The following PDS5B variants were observed in gnomAD, a reference collection of about 807,000 sequenced individuals.
PDS5B encodes the protein PDS5 cohesin associated factor B.
A neutral mutation model predicts 184.1 loss-of-function variants in PDS5B; 51 were observed. The ratio of observed to expected loss-of-function variants is 0.28; its 90% CI spans 0.22 to 0.35. The LOEUF (loss-of-function observed/expected upper bound fraction) is 0.35. Among genes scored for constraint, PDS5B ranks in the 10% least tolerant of loss-of-function variants. The pLI, the probability that PDS5B is intolerant of heterozygous loss-of-function variation, is 1.00. For missense variants in PDS5B, 1,180 were observed against 1,723.3 expected (o/e 0.68, Z 5.58); for synonymous variants, 566 against 569.2 (o/e 0.99, Z 0.08).
rs781102704 is a variant in PDS5B, at chr13:32,659,136, A to T, written c.498-18A>T. 8 of 1,512,188 alleles carry T rather than the reference A, an allele frequency of 5.3e-6. No homozygotes were observed. The South Asian group carries it at 1.1e-4, about 21-fold the overall frequency. 93.7% of individuals were successfully genotyped at this position (1,512,188 alleles called of 1,614,324 possible). A position where few individuals can be genotyped will look rare whatever the true frequency, so the allele number is the denominator to read the frequency against. Reference sequence around the variant, plus strand: ...ATATCTCAGTTGTAATTGAAACAAAATCTGTTTTGAATTGCAGCAATGGCC... The same window carrying T: ...ATATCTCAGTTGTAATTGAAACAAATTCTGTTTTGAATTGCAGCAATGGCC... On this transcript the variant is annotated intron_variant, in intron 5 of 34. Coordinates refer to ENST00000315596, the MANE Select transcript of PDS5B (RefSeq NM_015032.4).
At position 32,768,947 on chromosome 13, in the gene PDS5B, CAAA is replaced by C. The variant is rs770324221; in HGVS notation, c.3625-1153_3625-1151del. Reference sequence around the variant, plus strand: ...AAACCCCGTCTCTACTAAAAAAATACAAAAAAAAAAAAAAAAAAAAAAATTAGC... The same window carrying C: ...AAACCCCGTCTCTACTAAAAAAATACAAAAAAAAAAAAAAAAAAAATTAGC... On this transcript the variant is annotated intron_variant, in intron 31 of 34. Transcript: ENST00000315596. Among the ~76,000 whole-genome samples, 192 of 84,518 alleles carry C rather than the reference CAAA, an allele frequency of 2.3e-3. 1 individual carries two copies. The highest frequency in any genetic ancestry group is 7.9e-3 in the African/African-American group (183 of 23,138). 55.4% of individuals were successfully genotyped at this position (84,518 alleles called of 152,430 possible).
At chr13:32,671,117 A>C (rs1950924341) in intron 7 of PDS5B, among the ~76,000 whole-genome samples, 1 of 152,208 alleles carries the variant, frequency 6.6e-6, no homozygotes, top group South Asian at 2.1e-4. Flanking sequence ...TATTTGTATC[A>C]TACTGTCTTT....
At chr13:32,754,934 C>G (rs555226392) in intron 25 of PDS5B, among the ~76,000 whole-genome samples, 6 of 152,148 alleles carry the variant, frequency 3.9e-5, no homozygotes, top group African/African-American at 1.4e-4. Context: ...TAATATAGGC[C>G]TGGAACATAG....
chr13:32,774,977 T>C (rs920006630), intron 34 of PDS5B, 40 bp from the exon 35 acceptor site: 2 of 1,568,916 alleles, frequency 1.3e-6, no homozygotes, highest in Non-Finnish European at 1.8e-6. Context: ...TATGCACATA[T>C]ACCCATTTTA....
intron 1 of PDS5B, among the ~76,000 whole-genome samples, chr13:32,624,227 T>A (rs888139845): frequency 1.3e-5 from 2 of 152,146 alleles, no homozygotes; most frequent in African/African-American, 4.8e-5. Context: ...GTATTTATAT[T>A]TTGCTTTCAT....
At chr13:32,742,043 A>T (rs1953578307) in intron 22 of PDS5B, among the ~76,000 whole-genome samples, 1 of 152,198 alleles carries the variant, frequency 6.6e-6, no homozygotes, top group African/African-American at 2.4e-5. Flanking sequence ...GACACTATCG[A>T]AGACCCTCTT....
chr13:32,633,660 T>G (rs1242143596), intron 1 of PDS5B, among the ~76,000 whole-genome samples: 1 of 152,158 alleles, frequency 6.6e-6, no homozygotes, highest in Non-Finnish European at 1.5e-5. Context: ...ATTGAGAAAC[T>G]TATCAAATTA....
chr13:32,716,051 C>T (rs1345404415), intron 19 of PDS5B, among the ~76,000 whole-genome samples: 2 of 16 alleles, frequency 0.12, no homozygotes, highest in East Asian at 0.5. Flanking sequence ...TCCCAAAGTG[C>T]CGAGAGTTGC....
chr13:32,773,252 G>GT lies in PDS5B; in HGVS notation c.4239dup (p.Gln1414SerfsTer3). On this transcript the variant is annotated frameshift_variant, in exon 34 of 35. Transcript: ENST00000315596. LOFTEE classifies it high-confidence loss of function. ...ATGATTCAAGTGAAGAAGTAGATGTGTTTCAGGGTAGCTCTCCTGTCGATG... is the reference window on the plus strand; with the variant it reads ...ATGATTCAAGTGAAGAAGTAGATGTGTTTTCAGGGTAGCTCTCCTGTCGATG... The GT allele has an allele frequency of 6.2e-7, 1 of 1,613,392 alleles. No individual in the cohort carries two copies. Among genetic ancestry groups the GT allele is most frequent in the Non-Finnish European group, 8.5e-7 (1 of 1,179,500 alleles).
chr13:32,718,155 A>ATT (rs373343825), intron 19 of PDS5B, among the ~76,000 whole-genome samples: 1 of 148,436 alleles, frequency 6.7e-6, no homozygotes. Flanking sequence ...GGGCTTCTGA[A>ATT]TTTTTTTTTT....
intron 1 of PDS5B, among the ~76,000 whole-genome samples, chr13:32,608,666 A>G (rs759778831): frequency 6.6e-6 from 1 of 152,106 alleles, no homozygotes; most frequent in Non-Finnish European, 1.5e-5. Context: ...TTGAACCTGC[A>G]TTGTTGTCTC....
intron 25 of PDS5B, 103 bp from the exon 26 acceptor site, chr13:32,755,737 AAG>A (rs1046355936): frequency 2.1e-5 from 12 of 564,620 alleles, no homozygotes; most frequent in African/African-American, 1.5e-4. Flanking sequence ...GTACGAAAGA[AAG>A]AGTATGTAAG....
chr13:32,746,165 C>CA, intron 24 of PDS5B, 65 bp downstream of exon 24: 1 of 1,333,526 alleles, frequency 7.5e-7, no homozygotes, highest in Non-Finnish European at 1.1e-6. Flanking sequence ...GAAAAACATC[C>CA]ACTGTGATAC....
Position 32,742,687 on chromosome 13 carries a change from T to C in PDS5B, c.2572T>C (p.Leu858=). ...TSTLRLLTTI[L]HSDGDLTEQG... Reference sequence around the variant, plus strand: ...TACCTTAAGATTGCTAACAACAATATTGCATAGTGATGGAGACTTGACAGA... The same window carrying C: ...TACCTTAAGATTGCTAACAACAATACTGCATAGTGATGGAGACTTGACAGA... The change falls in exon 23 of 35, where the codon TTG becomes CTG. Residue 858 remains leucine (L), a synonymous_variant. Transcript: ENST00000315596. 2 of 1,612,280 alleles carry C rather than the reference T, an allele frequency of 1.2e-6. No homozygotes were observed. Among genetic ancestry groups the C allele is most frequent in the Non-Finnish European group, 8.5e-7 (1 of 1,178,696 alleles).
chr13:32,738,425 C>T (rs991649234), intron 21 of PDS5B, among the ~76,000 whole-genome samples: 1 of 152,120 alleles, frequency 6.6e-6, no homozygotes, highest in Non-Finnish European at 1.5e-5. Flanking sequence ...TCCCAATGTG[C>T]ATTTCTGTGG....
rs191414696 is a variant in PDS5B at position 32,733,625 on chromosome 13, C to T, written c.2247+1401C>T. Among the ~76,000 whole-genome samples the T allele has an allele frequency of 1.2e-3, 176 of 152,188 alleles. 1 individual carries two copies. Among genetic ancestry groups the T allele is most frequent in the Middle Eastern group, 6.8e-3 (2 of 294 alleles). ...GTTTTGTATTGGCCTTTCAAGCCTA[C>T]AATTCTTGGTGTTCAGTGTGGGAGA... On this transcript the variant is annotated intron_variant, in intron 20 of 34. Coordinates refer to ENST00000315596, the MANE Select transcript of PDS5B (RefSeq NM_015032.4).
At chr13:32,710,397 G>A (rs1365379086) in intron 19 of PDS5B, among the ~76,000 whole-genome samples, 2 of 152,126 alleles carry the variant, frequency 1.3e-5, no homozygotes, top group East Asian at 3.8e-4. Context: ...AAGGTATGAT[G>A]GGAAGTTTCA....
chr13:32,740,212 G>T (rs1047434148), intron 21 of PDS5B, among the ~76,000 whole-genome samples: 7 of 152,104 alleles, frequency 4.6e-5, no homozygotes, highest in African/African-American at 1.7e-4. Flanking sequence ...ATCTGGTCTT[G>T]CAGCTGAGAA....
chr13:32,728,196 T>C (rs1251030278), intron 19 of PDS5B, among the ~76,000 whole-genome samples: 1 of 152,096 alleles, frequency 6.6e-6, no homozygotes. Context: ...TAGCACTGCA[T>C]TCCTGATTTA....
Sources: allele counts gnomAD v4.1 joint callset (sites outside exome capture counted in the v4.1 genomes callset), GRCh38; gene constraint gnomAD v4.1.1; transcripts MANE v1.5; gene names NCBI Gene and HGNC (gene_info 2026-07-23, HGNC 2026-07-21).